Variants in INPP4B observed in about 807,000 individuals in gnomAD.
INPP4B encodes inositol polyphosphate-4-phosphatase type II B.
A neutral mutation model predicts 122.5 loss-of-function variants in INPP4B; 55 were observed. The observed-to-expected ratio is 0.45, with a 90% confidence interval of 0.36 to 0.56. The LOEUF (loss-of-function observed/expected upper bound fraction) is 0.56, where lower values mean the gene tolerates loss of function less well. Ranked by LOEUF, INPP4B falls within the 20% of genes least tolerant of loss-of-function variation. INPP4B has a pLI of 0.00. For synonymous variants in INPP4B, 403 were observed against 388.7 expected (o/e 1.04, Z -0.43); for missense variants, 1,000 against 1,097.7 (o/e 0.91, Z 1.26).
intron 2 of INPP4B, among the ~76,000 whole-genome samples, chr4:142,680,250 ACC>A: frequency 6.6e-6 from 1 of 151,840 alleles, no homozygotes; most frequent in Admixed American, 6.6e-5. Context: ...TGTGCCAAGT[ACC>A]CCAGCCAAGA....
chr4:142,219,750 G>T (rs914664643), intron 12 of INPP4B, among the ~76,000 whole-genome samples: 1 of 152,128 alleles, frequency 6.6e-6, no homozygotes, highest in South Asian at 2.1e-4. Flanking sequence ...GGACTTGGAC[G>T]GAGGATGTTG....
chr4:142,455,909 T>C (rs1322347385), intron 3 of INPP4B, among the ~76,000 whole-genome samples: 2 of 152,196 alleles, frequency 1.3e-5, no homozygotes, highest in Middle Eastern at 3.4e-3. Context: ...ATAAGTGATG[T>C]TGAGTACCTT....
chr4:142,840,419 A>AT lies in INPP4B; in HGVS notation c.-254+5789dup, dbSNP rs558400130. On this transcript the variant is annotated intron_variant, in intron 1 of 25. Transcript: ENST00000262992. ...AGTTTTTTTCTATCATGTTCATTTAATTTTTTTTCCTTTCTCTTACCCAGA... is the reference window on the plus strand; with the variant it reads ...AGTTTTTTTCTATCATGTTCATTTAATTTTTTTTTCCTTTCTCTTACCCAGA... Among the ~76,000 whole-genome samples, 30 of 152,074 alleles carry AT rather than the reference A, an allele frequency of 2.0e-4. No individual in the cohort carries two copies. In the East Asian group the frequency reaches 2.9e-3, roughly 15 times the overall value.
At chr4:142,405,124 G>A (rs556457345) in intron 6 of INPP4B, 82 bp downstream of exon 6, 10 of 691,942 alleles carry the variant, frequency 1.4e-5, no homozygotes, top group South Asian at 4.7e-5. Flanking sequence ...GGGGTGGGGG[G>A]GAGGGAGAGA....
At chr4:142,247,606 T>C (rs1029940920) in intron 11 of INPP4B, among the ~76,000 whole-genome samples, 2 of 152,178 alleles carry the variant, frequency 1.3e-5, no homozygotes, top group African/African-American at 2.4e-5. Context: ...TCTCTGATGG[T>C]AGTTTGTATT....
chr4:142,595,247 C>A (rs552760400), intron 2 of INPP4B, among the ~76,000 whole-genome samples: 44 of 152,074 alleles, frequency 2.9e-4, no homozygotes, highest in African/African-American at 1.0e-3. Context: ...CCTATTTGTT[C>A]CTGAATCTTG....
At position 142,218,506 on chromosome 4, in the gene INPP4B, C is replaced by T. The variant is rs886540906; in HGVS notation, c.837-9480G>A. The stretch of plus-strand genomic sequence containing the variant: ...CTGAAAATAATAGATAATTCATTTA[C>T]GGAAAAGTCGTAAGACAAAATAGCT... On this transcript the variant is annotated intron_variant, in intron 12 of 25. Coordinates refer to ENST00000262992, the MANE Select transcript of INPP4B (RefSeq NM_001101669.3). Among the ~76,000 whole-genome samples the T allele has an allele frequency of 1.8e-4, 27 of 151,996 alleles. 1 individual carries two copies. The highest frequency in any genetic ancestry group is 2.1e-4 in the South Asian group (1 of 4,822).
chr4:142,350,924 C>A (rs1248099755), intron 7 of INPP4B, among the ~76,000 whole-genome samples: 1 of 151,976 alleles, frequency 6.6e-6, no homozygotes, highest in Non-Finnish European at 1.5e-5. Context: ...TTAGGCTCTT[C>A]TAACAGGGAG....
At chr4:142,556,753 T>C (rs192228975) in intron 2 of INPP4B, among the ~76,000 whole-genome samples, 1 of 152,292 alleles carries the variant, frequency 6.6e-6, no homozygotes, top group African/African-American at 2.4e-5. Flanking sequence ...TATTTCCAAT[T>C]TGAGTCAGAA....
intron 17 of INPP4B, among the ~76,000 whole-genome samples, chr4:142,158,244 A>C (rs899027335): frequency 6.6e-5 from 10 of 152,132 alleles, no homozygotes; most frequent in African/African-American, 2.4e-4. Flanking sequence ...ACTTATACTC[A>C]GATTTAAATC....
intron 15 of INPP4B, among the ~76,000 whole-genome samples, chr4:142,180,632 G>A (rs1830367307): frequency 6.6e-6 from 1 of 152,102 alleles, no homozygotes; most frequent in African/African-American, 2.4e-5. Context: ...ACTTGACTTG[G>A]ATCACACAAA....
chr4:142,393,177 G>A (rs1798279728), intron 7 of INPP4B, among the ~76,000 whole-genome samples: 1 of 152,016 alleles, frequency 6.6e-6, no homozygotes, highest in Admixed American at 6.5e-5. Flanking sequence ...AACTGAGAGT[G>A]GTGCCAAGGC....
intron 7 of INPP4B, among the ~76,000 whole-genome samples, chr4:142,324,366 A>C (rs1579737030): frequency 6.6e-6 from 1 of 152,150 alleles, no homozygotes; most frequent in South Asian, 2.1e-4. Flanking sequence ...GTTTTCAACC[A>C]ACAGCCTGAC....
chr4:142,843,783 G>T (rs1206685980), intron 1 of INPP4B, among the ~76,000 whole-genome samples: 2 of 151,776 alleles, frequency 1.3e-5, no homozygotes, highest in Non-Finnish European at 2.9e-5. Flanking sequence ...CAGTTAGCAG[G>T]TTTTTTTTCT....
At chr4:142,220,493 G>T (rs2149693710) in intron 12 of INPP4B, among the ~76,000 whole-genome samples, 1 of 152,236 alleles carries the variant, frequency 6.6e-6, no homozygotes, top group East Asian at 1.9e-4. Flanking sequence ...TCACTCATTT[G>T]CCATTCATAA....
At chr4:142,125,209 TC>T (rs1798164027) in intron 18 of INPP4B, among the ~76,000 whole-genome samples, 1 of 152,042 alleles carries the variant, frequency 6.6e-6, no homozygotes, top group African/African-American at 2.4e-5. Flanking sequence ...TTTATTGCTC[TC>T]CCTTGGATTA....
chr4:142,774,024 G>T (rs553022017), intron 1 of INPP4B, among the ~76,000 whole-genome samples: 2 of 152,042 alleles, frequency 1.3e-5, no homozygotes, highest in African/African-American at 4.8e-5. Context: ...TAATTTTGTT[G>T]CCTTTAACTT....
At chr4:142,071,612 T>C (rs1403358293) in intron 25 of INPP4B, among the ~76,000 whole-genome samples, 1 of 152,068 alleles carries the variant, frequency 6.6e-6, no homozygotes. Context: ...ATATCCAGAA[T>C]CTACAAAGAA....
chr4:142,710,232 G>A (rs946094806), intron 2 of INPP4B, among the ~76,000 whole-genome samples: 23 of 152,298 alleles, frequency 1.5e-4, no homozygotes, highest in African/African-American at 5.1e-4. Flanking sequence ...ACTGTATACT[G>A]AGTCTTAATG....
Sources: gnomAD v4.1 joint callset for allele counts (sites outside exome capture counted in the v4.1 genomes callset) on GRCh38, gnomAD v4.1.1 for gene constraint, MANE v1.5 for transcripts, NCBI Gene and HGNC (gene_info 2026-07-23, HGNC 2026-07-21) for gene names.